Variants in TTC29 observed in about 807,000 individuals in gnomAD.
The protein encoded by TTC29 is tetratricopeptide repeat protein 29.
A neutral mutation model predicts 58.1 loss-of-function variants in TTC29; 49 were observed. That is an observed-to-expected ratio of 0.84 (90% CI 0.67 to 1.07). The LOEUF is 1.07. TTC29 is among the 50% of genes least tolerant of loss of function. The pLI is 0.00. For synonymous variants in TTC29, 209 were observed against 196.8 expected, an observed-to-expected ratio of 1.06 and a Z score of -0.52; for missense variants, 582 against 555.6, an observed-to-expected ratio of 1.05 and a Z score of -0.48.
intron 7 of TTC29, among the ~76,000 whole-genome samples, chr4:146,867,923 T>C (rs1303149644): frequency 6.6e-6 from 1 of 152,068 alleles, no homozygotes; most frequent in African/African-American, 2.4e-5. Context: ...GACATTCATG[T>C]ATAATTTTTA....
chr4:146,713,023 C>T (rs377229522), intron 11 of TTC29, among the ~76,000 whole-genome samples: 3 of 151,466 alleles, frequency 2.0e-5, no homozygotes, highest in Admixed American at 6.6e-5. Flanking sequence ...TAAATACATA[C>T]GATGAAGCCA....
chr4:146,940,663 G>C (rs546086221), intron 2 of TTC29, among the ~76,000 whole-genome samples: 1 of 152,206 alleles, frequency 6.6e-6, no homozygotes, highest in South Asian at 2.1e-4. Flanking sequence ...AGTGGTTGAT[G>C]CTGTTAGCTG....
intron 8 of TTC29, among the ~76,000 whole-genome samples, chr4:146,857,433 TGA>T (rs1729938401): frequency 2.0e-5 from 3 of 152,038 alleles, no homozygotes. Flanking sequence ...ATAAAGCAGA[TGA>T]AAACTCTGAT....
chr4:146,788,026 T>G (rs1318041162), intron 11 of TTC29, among the ~76,000 whole-genome samples: 6 of 152,152 alleles, frequency 3.9e-5, no homozygotes, highest in Non-Finnish European at 8.8e-5. Flanking sequence ...CAGTTTATTT[T>G]ATCTCAACCT....
At chr4:146,808,647 G>A (rs1331717912) in intron 10 of TTC29, among the ~76,000 whole-genome samples, 1 of 152,166 alleles carries the variant, frequency 6.6e-6, no homozygotes, top group Non-Finnish European at 1.5e-5. Flanking sequence ...TTGCTACAAA[G>A]AGAATAAAAT....
At chr4:146,893,065 T>C (rs1732494050) in intron 6 of TTC29, among the ~76,000 whole-genome samples, 2 of 152,172 alleles carry the variant, frequency 1.3e-5, no homozygotes, top group African/African-American at 2.4e-5. Flanking sequence ...TCCATGCTCA[T>C]GGATAGGAAG....
chr4:146,850,026 T>C (rs981487416), intron 8 of TTC29, among the ~76,000 whole-genome samples: 4 of 152,244 alleles, frequency 2.6e-5, no homozygotes, highest in South Asian at 2.1e-4. Flanking sequence ...TTGTCTAATA[T>C]ACTGTTTAAT....
intron 9 of TTC29, among the ~76,000 whole-genome samples, chr4:146,824,635 A>C (rs1011185313): frequency 6.6e-6 from 1 of 152,074 alleles, no homozygotes; most frequent in African/African-American, 2.4e-5. Flanking sequence ...GTTAGAGGAA[A>C]TTCCTTCCTT....
chr4:146,734,489 G>A (rs1254675940), intron 11 of TTC29, among the ~76,000 whole-genome samples: 1 of 152,074 alleles, frequency 6.6e-6, no homozygotes, highest in Non-Finnish European at 1.5e-5. Context: ...ACCTAAAGAG[G>A]GAGTCAGGGG....
intron 8 of TTC29, among the ~76,000 whole-genome samples, chr4:146,841,571 T>A (rs1419446155): frequency 1.3e-5 from 2 of 152,104 alleles, no homozygotes; most frequent in African/African-American, 2.4e-5. Context: ...CACGAATATT[T>A]TTTTTCTTAT....
chr4:146,769,513 A>G (rs1747564031), intron 11 of TTC29, among the ~76,000 whole-genome samples: 1 of 152,042 alleles, frequency 6.6e-6, no homozygotes, highest in Non-Finnish European at 1.5e-5. Context: ...GGGATTAAGC[A>G]TATATTTTTT....
intron 8 of TTC29, among the ~76,000 whole-genome samples, chr4:146,846,228 A>C (rs1729161083): frequency 1.3e-5 from 2 of 152,230 alleles, no homozygotes; most frequent in South Asian, 2.1e-4. Flanking sequence ...TCATAGAAGA[A>C]GACTTACATG....
At chr4:146,741,995 T>C (rs1745188594) in intron 11 of TTC29, among the ~76,000 whole-genome samples, 1 of 152,182 alleles carries the variant, frequency 6.6e-6, no homozygotes, top group African/African-American at 2.4e-5. Flanking sequence ...ACATGCATTA[T>C]CTCATTTAAC....
chr4:146,786,418 T>G (rs1479640776), intron 11 of TTC29, among the ~76,000 whole-genome samples: 1 of 152,220 alleles, frequency 6.6e-6, no homozygotes, highest in Non-Finnish European at 1.5e-5. Context: ...AAAGATAATT[T>G]GGATGTCACA....
chr4:146,942,705 G>T, intron 2 of TTC29: 1 of 1,355,368 alleles, frequency 7.4e-7, no homozygotes, highest in Non-Finnish European at 1.0e-6. Flanking sequence ...TAAAAAGGGA[G>T]AGAAGAAAAC....
chr4:146,816,996 A>G (rs1751454606), intron 10 of TTC29, among the ~76,000 whole-genome samples: 1 of 152,130 alleles, frequency 6.6e-6, no homozygotes, highest in Non-Finnish European at 1.5e-5. Context: ...GTAGAGAAAA[A>G]CAGAAGTTTA....
chr4:146,930,027 A>AATAT (rs199873434), intron 4 of TTC29, among the ~76,000 whole-genome samples: 1 of 126,634 alleles, frequency 7.9e-6, no homozygotes, highest in Non-Finnish European at 1.5e-5. Context: ...GCACACATAC[A>AATAT]ATATATATAT....
chr4:146,917,616 TATA>T (rs1434672590), intron 4 of TTC29, among the ~76,000 whole-genome samples: 3 of 145,186 alleles, frequency 2.1e-5, no homozygotes, highest in Non-Finnish European at 4.6e-5. Flanking sequence ...ATTTATAATA[TATA>T]ATTAGATATT....
chr4:146,796,117 C>G (rs1331277343), intron 11 of TTC29, among the ~76,000 whole-genome samples: 2 of 151,852 alleles, frequency 1.3e-5, no homozygotes, highest in African/African-American at 4.9e-5. Context: ...ATTTTTCTTA[C>G]AAGTGATGAT....
Sources: allele counts gnomAD v4.1 joint callset (sites outside exome capture counted in the v4.1 genomes callset), GRCh38; gene constraint gnomAD v4.1.1; transcripts MANE v1.5; gene names NCBI Gene and HGNC (gene_info 2026-07-23, HGNC 2026-07-21).